PDE3A: variants seen among roughly 807,000 people sequenced by gnomAD.
PDE3A encodes the protein phosphodiesterase 3A, also known as cGMP-inhibited 3',5'-cyclic phosphodiesterase 3A.
Under a neutral mutation model 98.3 loss-of-function variants are expected in PDE3A, and 43 were observed. The ratio of observed to expected loss-of-function variants is 0.44; its 90% confidence interval spans 0.34 to 0.56. The LOEUF (loss-of-function observed/expected upper bound fraction) is 0.56, where lower values mean the gene tolerates loss of function less well. PDE3A is among the 20% of genes least tolerant of loss of function. PDE3A has a pLI of 0.01. For missense variants in PDE3A, 1,427 were observed against 1,440.7 expected (o/e 0.99, Z 0.15); for synonymous variants, 663 against 567.9 (o/e 1.17, Z -2.38).
intron 1 of PDE3A, among the ~76,000 whole-genome samples, chr12:20,437,925 A>G (rs868072497): frequency 6.6e-6 from 1 of 151,858 alleles, no homozygotes; most frequent in Non-Finnish European, 1.5e-5. Context: ...AAATAAAGCT[A>G]TTTTCCCCCA....
chr12:20,686,890 T>C lies in PDE3A; in HGVS notation c.*6619T>C, dbSNP rs1229424387. On this transcript the variant is annotated 3_prime_UTR_variant, in exon 16 of 16. Transcript: ENST00000359062. ...GATTGGGAGTGAACACTACATAAAA[T>C]TTGCAGGGTATCCCAGGACACCCCT... Among the ~76,000 whole-genome samples the C allele has an allele frequency of 2.0e-5, 3 of 152,050 alleles. No homozygotes were observed. The highest frequency in any genetic ancestry group is 7.2e-5 in the African/African-American group (3 of 41,406).
chr12:20,664,195 C>G (rs1009875531), intron 15 of PDE3A, among the ~76,000 whole-genome samples: 3 of 152,040 alleles, frequency 2.0e-5, no homozygotes, highest in African/African-American at 7.2e-5. Context: ...AATTAAACCT[C>G]TTTCCTTTAT....
At chr12:20,466,986 T>C (rs920311258) in intron 1 of PDE3A, among the ~76,000 whole-genome samples, 2 of 152,184 alleles carry the variant, frequency 1.3e-5, no homozygotes, top group African/African-American at 4.8e-5. Context: ...AATAAGCACA[T>C]ATTTTATTTG....
intron 15 of PDE3A, among the ~76,000 whole-genome samples, chr12:20,663,993 G>A (rs934278608): frequency 7.9e-5 from 12 of 152,206 alleles, no homozygotes; most frequent in East Asian, 3.9e-4. Context: ...GAATCATGGG[G>A]GTGGTTATTG....
chr12:20,621,773 T>C (rs1273299628), intron 5 of PDE3A, among the ~76,000 whole-genome samples: 1 of 152,080 alleles, frequency 6.6e-6, no homozygotes, highest in Non-Finnish European at 1.5e-5. Context: ...ATGATATATA[T>C]GAATTCAAGA....
intron 6 of PDE3A, among the ~76,000 whole-genome samples, chr12:20,630,371 G>C (rs1254649619): frequency 2.0e-5 from 3 of 152,120 alleles, no homozygotes; most frequent in Non-Finnish European, 4.4e-5. Context: ...ATACAAAACT[G>C]TTAGCTGTAT....
Position 20,670,115 on chromosome 12 carries a change from T to C in PDE3A, c.3185-9915T>C, listed in dbSNP as rs57188928. ...AGAGACAAAGAAGGCCATTACATAA[T>C]GGTAAAGGGATCAATTCAACAAGAA... On this transcript the variant is annotated intron_variant, in intron 15 of 15. Coordinates refer to ENST00000359062, the MANE Select transcript of PDE3A (RefSeq NM_000921.5). Among the ~76,000 whole-genome samples the C allele has an allele frequency of 4.8e-3, 726 of 149,868 alleles. 8 individuals carry two copies. The highest frequency in any genetic ancestry group is 0.017 in the African/African-American group (701 of 40,268).
At chr12:20,629,805 C>T (rs1298697748) in intron 5 of PDE3A, 103 bp from the exon 6 acceptor site, 9 of 854,440 alleles carry the variant, frequency 1.1e-5, no homozygotes, top group East Asian at 2.5e-5. Context: ...TGAGCAGGCA[C>T]GTGGTTGTTA....
chr12:20,473,288 C>T (rs1247804838), intron 1 of PDE3A, among the ~76,000 whole-genome samples: 1 of 152,090 alleles, frequency 6.6e-6, no homozygotes, highest in African/African-American at 2.4e-5. Flanking sequence ...AGTCCCTTGT[C>T]GAGTCATATT....
At chr12:20,631,613 G>A (rs575091088) in intron 6 of PDE3A, among the ~76,000 whole-genome samples, 6 of 151,724 alleles carry the variant, frequency 4.0e-5, no homozygotes, top group Non-Finnish European at 7.4e-5. Flanking sequence ...TGTGGGTTCC[G>A]GACTTTTGGG....
At position 20,640,127 on chromosome 12, in the gene PDE3A, C is replaced by T. The variant is rs79427147; in HGVS notation, c.2251+170C>T. ...TATCGCCTGTGTGTTAGAATCCTGG[C>T]CCCTTTACTTTTCAGCTGTGTGAGA... On this transcript the variant is annotated intron_variant, in intron 10 of 15. Transcript: ENST00000359062. Among the ~76,000 whole-genome samples the T allele has an allele frequency of 3.2e-3, 490 of 152,054 alleles. 4 individuals are homozygous for T. Among genetic ancestry groups the T allele is most frequent in the African/African-American group, 0.011 (448 of 41,518 alleles).
chr12:20,492,285 A>T (rs1565566525), intron 1 of PDE3A, among the ~76,000 whole-genome samples: 1 of 152,156 alleles, frequency 6.6e-6, no homozygotes, highest in Non-Finnish European at 1.5e-5. Flanking sequence ...CAGCAGTCCT[A>T]GTAGTCTTTC....
At chr12:20,665,787 A>G in intron 15 of PDE3A, among the ~76,000 whole-genome samples, 1 of 151,922 alleles carries the variant, frequency 6.6e-6, no homozygotes, top group Admixed American at 6.6e-5. Context: ...CTTATGTTAT[A>G]GTTTTCATTT....
chr12:20,581,613 TTTC>T (rs1414998006), intron 2 of PDE3A, among the ~76,000 whole-genome samples: 367 of 6,122 alleles, frequency 0.06, 36 homozygotes, highest in Middle Eastern at 0.2. Context: ...TTTCTTTTCT[TTTC>T]TTTTTTTTTT....
At chr12:20,663,691 A>G (rs554885227) in intron 15 of PDE3A, among the ~76,000 whole-genome samples, 4 of 152,288 alleles carry the variant, frequency 2.6e-5, no homozygotes, top group East Asian at 1.9e-4. Context: ...CCATCATTGT[A>G]TCTGGGAAGT....
intron 10 of PDE3A, 43 bp downstream of exon 10, chr12:20,640,000 C>T (rs769480328): frequency 6.7e-5 from 62 of 926,676 alleles, no homozygotes; most frequent in East Asian, 1.7e-4. Flanking sequence ...TAAAATATGT[C>T]GAATTTGCTG....
At position 20,614,561 on chromosome 12, in the gene PDE3A, T is replaced by A. The variant is rs1943952800; in HGVS notation, c.1269+861T>A. Among the ~76,000 whole-genome samples, 6 of 152,234 alleles carry A rather than the reference T, an allele frequency of 3.9e-5. 1 individual carries two copies. In the South Asian group the frequency reaches 1.2e-3, roughly 32 times the overall value. ...ATATTTACATAGTTTCCTTCCAATA[T>A]GAAATTCCCTGATAAAGATATACCT... On this transcript the variant is annotated intron_variant, in intron 3 of 15. Transcript: ENST00000359062.
chr12:20,453,173 C>CTTTTTT (rs55780939), intron 1 of PDE3A, among the ~76,000 whole-genome samples: 22 of 124,614 alleles, frequency 1.8e-4, no homozygotes, highest in African/African-American at 5.5e-4. Context: ...CTTGATAATG[C>CTTTTTT]TTTTTTTTTT....
intron 1 of PDE3A, among the ~76,000 whole-genome samples, chr12:20,514,472 T>C (rs772282148): frequency 6.6e-6 from 1 of 152,220 alleles, no homozygotes; most frequent in South Asian, 2.1e-4. Context: ...TGTGAAAATA[T>C]ATGCAATGGC....
Sources: gnomAD v4.1 joint callset for allele counts (sites outside exome capture counted in the v4.1 genomes callset) on GRCh38, gnomAD v4.1.1 for gene constraint, MANE v1.5 for transcripts, NCBI Gene and HGNC (gene_info 2026-07-23, HGNC 2026-07-21) for gene names.